PANK1: variants seen among roughly 807,000 people sequenced by gnomAD.
PANK1 encodes pantothenate kinase 1, also known as pantothenic acid kinase 1.
A neutral mutation model predicts 40.1 loss-of-function variants in PANK1; 18 were observed. The ratio of observed to expected loss-of-function variants is 0.45; its 90% CI spans 0.31 to 0.67. PANK1 has a LOEUF of 0.67. Among genes scored for constraint, PANK1 ranks in the 30% least tolerant of loss-of-function variants. The pLI, the probability that PANK1 is intolerant of heterozygous loss-of-function variation, is 0.06. For missense variants in PANK1, 457 were observed against 599.6 expected, an observed-to-expected ratio of 0.76 and a Z score of 2.48; for synonymous variants, 242 against 237.7, an observed-to-expected ratio of 1.02 and a Z score of -0.17.
rs1487237778 is a variant in PANK1 at position 89,615,705 on chromosome 10, TTTTC to T, written c.293-3661_293-3658del. 4.7e-4 allele frequency among the ~76,000 whole-genome samples: 71 copies of T among 152,346 alleles called. 1 individual carries two copies. Among genetic ancestry groups the T allele is most frequent in the Admixed American group, 4.6e-3 (70 of 15,306 alleles). On this transcript the variant is annotated intron_variant, in intron 1 of 6. Transcript: ENST00000307534. Reference sequence around the variant, plus strand: ...AGTTTAAGTGGCAAAAGAAATTGGCTTTTCTTTACCTATGTTTATATCTTACCTC... The same window carrying T: ...AGTTTAAGTGGCAAAAGAAATTGGCTTTTACCTATGTTTATATCTTACCTC...
chr10:89,624,134 C>T (rs1052782830), intron 1 of PANK1, among the ~76,000 whole-genome samples: 3 of 152,126 alleles, frequency 2.0e-5, no homozygotes, highest in African/African-American at 7.2e-5. Flanking sequence ...AGCAAGAATT[C>T]CTTTCAGAAC....
intron 1 of PANK1, among the ~76,000 whole-genome samples, chr10:89,619,996 A>C (rs1050343638): frequency 6.6e-6 from 1 of 152,170 alleles, no homozygotes; most frequent in African/African-American, 2.4e-5. Flanking sequence ...CTTTACTGCA[A>C]TCTCTGAACA....
intron 1 of PANK1, among the ~76,000 whole-genome samples, chr10:89,638,076 C>T (rs933599651): frequency 2.6e-5 from 4 of 152,126 alleles, no homozygotes; most frequent in African/African-American, 9.7e-5. Context: ...ATGTATTATA[C>T]ATAATTGTGT....
At chr10:89,592,643 C>T (rs545869054) in intron 5 of PANK1, 40 of 484,616 alleles carry the variant, frequency 8.3e-5, no homozygotes, top group African/African-American at 4.5e-4. Context: ...TTTTTCCAAA[C>T]GAATCTTGCA....
At chr10:89,621,159 G>C (rs999997781) in intron 1 of PANK1, among the ~76,000 whole-genome samples, 1 of 152,160 alleles carries the variant, frequency 6.6e-6, no homozygotes, top group Non-Finnish European at 1.5e-5. Context: ...AAATTAGCCT[G>C]GTGTTGTGGC....
At chr10:89,599,755 C>T (rs1003113230) in intron 2 of PANK1, among the ~76,000 whole-genome samples, 5 of 152,126 alleles carry the variant, frequency 3.3e-5, no homozygotes, top group Admixed American at 2.6e-4. Context: ...CACCCATCAG[C>T]GTGTGTTGTG....
chr10:89,594,181 A>G (rs1844496475), intron 3 of PANK1, among the ~76,000 whole-genome samples, 192 bp from the exon 4 acceptor site: 1 of 152,164 alleles, frequency 6.6e-6, no homozygotes, highest in Non-Finnish European at 1.5e-5. Flanking sequence ...CTAAAAATAA[A>G]CATCAAGGAA....
At chr10:89,610,108 C>A (rs1845106998) in intron 2 of PANK1, among the ~76,000 whole-genome samples, 2 of 152,226 alleles carry the variant, frequency 1.3e-5, no homozygotes, top group South Asian at 4.1e-4. Context: ...ATCTCTCTGG[C>A]AGCTTTAGTT....
In PANK1 at chr10:89,599,233, C is replaced by T. The variant is rs1844702695; in HGVS notation, c.899+19G>A. 1 of 1,606,090 alleles carries T rather than the reference C, an allele frequency of 6.2e-7. No individual in the cohort carries two copies. Among genetic ancestry groups the T allele is most frequent in the Non-Finnish European group, 8.5e-7 (1 of 1,175,474 alleles). The stretch of plus-strand genomic sequence containing the variant: ...CAAGAAAGAGGTCTGGGTTCAAGCA[C>T]AAGCAGAAACATGTTTACCTGGTCC... On this transcript the variant is annotated intron_variant, in intron 3 of 6. Coordinates refer to ENST00000307534, the MANE Select transcript of PANK1 (RefSeq NM_148977.3).
chr10:89,581,604 CG>C (rs1381599735), downstream of PANK1: 1 of 152,194 alleles, frequency 6.6e-6, no homozygotes, highest in Non-Finnish European at 1.5e-5. Flanking sequence ...TCAGTAGAGA[CG>C]GGGTTTCACC....
Position 89,644,735 on chromosome 10 carries a change from C to G in PANK1, c.157G>C (p.Gly53Arg). The change falls in exon 1 of 7, where the codon GGC becomes CGC. Residue 53 changes from glycine to arginine, a missense_variant. Physicochemically the swap from Gly to Arg is moderately radical, Grantham distance 125 (BLOSUM62 -2). Around this residue, in one of 4 missense-constraint regions of PANK1, gnomAD observed 144 missense variants for 131.2 expected, o/e 1.10. Transcript: ENST00000307534. ...AGGCGCTGGGGCGCCGCGTCGCTGC[C>G]GCCCACTGGACCCCGGCTGCAGACG... Reference protein sequence around the residue: ...PHVCSRGPVGGSDAAPQRLPL... With the variant: ...PHVCSRGPVGRSDAAPQRLPL... 6.6e-7 allele frequency: 1 copy of G among 1,526,380 alleles called. No individual in the cohort carries two copies. Among genetic ancestry groups the G allele is most frequent in the Non-Finnish European group, 8.7e-7 (1 of 1,143,128 alleles). 94.6% of individuals were successfully genotyped at this position (1,526,380 alleles called of 1,614,324 possible). A position where few individuals can be genotyped will look rare whatever the true frequency, so the allele number is the denominator to read the frequency against.
intron 1 of PANK1, among the ~76,000 whole-genome samples, chr10:89,633,919 G>A (rs1423041588): frequency 6.6e-6 from 1 of 152,154 alleles, no homozygotes; most frequent in African/African-American, 2.4e-5. Context: ...AATACAACCT[G>A]CACTGGGTCA....
intron 6 of PANK1, 40 bp downstream of exon 6, chr10:89,588,612 A>C (rs1844274940): frequency 5.4e-6 from 8 of 1,490,066 alleles, no homozygotes; most frequent in Non-Finnish European, 7.1e-6. Flanking sequence ...ACCAAAATAT[A>C]CTCCACATAT....
At chr10:89,600,201 T>C (rs1426112091) in intron 2 of PANK1, among the ~76,000 whole-genome samples, 1 of 152,216 alleles carries the variant, frequency 6.6e-6, no homozygotes, top group African/African-American at 2.4e-5. Flanking sequence ...AGGAATCTAA[T>C]AGGGAATGCT....
At chr10:89,643,949 A>C in intron 1 of PANK1, 1 of 1,144,910 alleles carries the variant, frequency 8.7e-7, no homozygotes, top group Middle Eastern at 3.0e-4. Context: ...CTTCGTTGAA[A>C]AAAAAAATCC....
Position 89,644,726 on chromosome 10 carries a change from C to T in PANK1, c.166G>A (p.Ala56Thr), listed in dbSNP as rs777157432. The T allele has an allele frequency of 4.6e-6, 7 of 1,529,068 alleles. No individual in the cohort carries two copies. The highest frequency in any genetic ancestry group is 5.2e-6 in the Non-Finnish European group (6 of 1,144,544). 94.7% of individuals were successfully genotyped at this position (1,529,068 alleles called of 1,614,324 possible). The change falls in exon 1 of 7, where the codon GCG becomes ACG. Residue 56 changes from alanine (A) to threonine (T), a missense_variant. Ala to Thr is a moderately conservative substitution (Grantham distance 58, BLOSUM62 0). This residue lies in a region of PANK1 where 144 missense variants were observed against 131.2 expected (regional missense o/e 1.10). Coordinates refer to ENST00000307534, the MANE Select transcript of PANK1 (RefSeq NM_148977.3). ...CSRGPVGGSD[A>T]APQRLPLLPE... ...AGGAGCGGGAGGCGCTGGGGCGCCG[C>T]GTCGCTGCCGCCCACTGGACCCCGG...
At chr10:89,592,267 G>A (rs1446965127) in intron 5 of PANK1, among the ~76,000 whole-genome samples, 1 of 152,108 alleles carries the variant, frequency 6.6e-6, no homozygotes, top group Non-Finnish European at 1.5e-5. Context: ...GAACTCAAAG[G>A]CAGGGCTAAC....
chr10:89,597,295 A>T (rs970713951), intron 3 of PANK1, among the ~76,000 whole-genome samples: 7 of 152,242 alleles, frequency 4.6e-5, no homozygotes, highest in Non-Finnish European at 7.3e-5. Flanking sequence ...GAATTAAAAG[A>T]AACCTTTGGC....
intron 1 of PANK1, among the ~76,000 whole-genome samples, chr10:89,618,746 G>T (rs1048721043): frequency 2.0e-5 from 3 of 152,222 alleles, no homozygotes; most frequent in Non-Finnish European, 4.4e-5. Context: ...TGCCTAGAAT[G>T]AGAATACTTG....
Sources: allele counts gnomAD v4.1 joint callset (sites outside exome capture counted in the v4.1 genomes callset), GRCh38; gene constraint gnomAD v4.1.1; regional missense constraint gnomAD v4.1.1; transcripts MANE v1.5; gene names NCBI Gene and HGNC (gene_info 2026-07-23, HGNC 2026-07-21).